Variants in CSMD1 observed in about 807,000 individuals in gnomAD.
CSMD1 encodes the protein CUB and Sushi multiple domains 1.
A neutral mutation model predicts 417.5 loss-of-function variants in CSMD1; 213 were observed. The observed-to-expected ratio is 0.51, with a 90% CI of 0.46 to 0.57. The LOEUF (loss-of-function observed/expected upper bound fraction) is 0.57. Ranked by LOEUF, CSMD1 falls within the 20% of genes least tolerant of loss-of-function variation. The pLI is 0.00. For missense variants in CSMD1, 6,923 were observed against 4,529.7 expected (o/e 1.53, Z -15.17); for synonymous variants, 2,862 against 1,736.8 (o/e 1.65, Z -16.11).
chr8:4,246,737 T>G (rs958702275), intron 3 of CSMD1, among the ~76,000 whole-genome samples: 2 of 152,174 alleles, frequency 1.3e-5, no homozygotes, highest in African/African-American at 4.8e-5. Flanking sequence ...ATGATTGTAT[T>G]TATTTAAATA....
At chr8:3,721,346 G>C (rs541428714) in intron 6 of CSMD1, among the ~76,000 whole-genome samples, 1 of 152,116 alleles carries the variant, frequency 6.6e-6, no homozygotes, top group African/African-American at 2.4e-5. Context: ...ATTTTTACTA[G>C]TGACGGCAGA....
At chr8:3,300,833 C>A (rs545597802) in intron 25 of CSMD1, among the ~76,000 whole-genome samples, 34 of 151,790 alleles carry the variant, frequency 2.2e-4, no homozygotes, top group Admixed American at 7.2e-4. Context: ...GTGGCACATG[C>A]ATGTAATCCC....
chr8:4,061,946 C>CCT (rs1375862585), intron 3 of CSMD1, among the ~76,000 whole-genome samples: 1 of 152,166 alleles, frequency 6.6e-6, no homozygotes, highest in Non-Finnish European at 1.5e-5. Context: ...AAAGATTCTT[C>CCT]ATCAGCATTA....
At chr8:3,762,968 G>T (rs914683240) in intron 5 of CSMD1, among the ~76,000 whole-genome samples, 1 of 152,190 alleles carries the variant, frequency 6.6e-6, no homozygotes. Flanking sequence ...ACTCTCTTCA[G>T]ATCTCACCAT....
At chr8:4,638,133 T>C (rs1802953558) in intron 1 of CSMD1, among the ~76,000 whole-genome samples, 1 of 152,216 alleles carries the variant, frequency 6.6e-6, no homozygotes, top group Admixed American at 6.5e-5. Flanking sequence ...CCTGTCACTT[T>C]AAAATACAGC....
At chr8:3,998,723 G>A (rs919003609) in intron 4 of CSMD1, among the ~76,000 whole-genome samples, 8 of 151,972 alleles carry the variant, frequency 5.3e-5, no homozygotes, top group Admixed American at 1.3e-4. Flanking sequence ...AAAGATAAAA[G>A]TGCATTTAAA....
intron 4 of CSMD1, among the ~76,000 whole-genome samples, chr8:4,012,975 C>T (rs915593157): frequency 2.0e-5 from 3 of 152,146 alleles, no homozygotes; most frequent in Non-Finnish European, 2.9e-5. Context: ...CTCCTGTCAT[C>T]TCTCAAGTAA....
intron 5 of CSMD1, among the ~76,000 whole-genome samples, chr8:3,951,283 C>T (rs1301681413): frequency 6.6e-6 from 1 of 152,150 alleles, no homozygotes; most frequent in Non-Finnish European, 1.5e-5. Flanking sequence ...TCAGCCCTGG[C>T]CCACCTTTGT....
intron 63 of CSMD1, 58 bp downstream of exon 63, chr8:2,957,638 C>G: frequency 9.0e-7 from 1 of 1,108,132 alleles, no homozygotes; most frequent in Non-Finnish European, 1.3e-6. Context: ...GTAAACACGT[C>G]TCAGACATTC....
At chr8:3,756,915 C>T (rs548202787) in intron 5 of CSMD1, among the ~76,000 whole-genome samples, 1 of 152,092 alleles carries the variant, frequency 6.6e-6, no homozygotes, top group African/African-American at 2.4e-5. Flanking sequence ...CTTGCCTCAA[C>T]CTCTGGAGTA....
intron 1 of CSMD1, among the ~76,000 whole-genome samples, chr8:4,738,645 C>G (rs1272810004): frequency 1.3e-5 from 2 of 152,162 alleles, no homozygotes; most frequent in East Asian, 3.9e-4. Context: ...TTTCCAACAG[C>G]ATCGTTTCTG....
At chr8:3,137,386 T>A (rs781449819) in intron 41 of CSMD1, among the ~76,000 whole-genome samples, 2 of 152,192 alleles carry the variant, frequency 1.3e-5, no homozygotes, top group East Asian at 3.9e-4. Context: ...TCCCTTAGCA[T>A]CAGGGGGAAT....
intron 5 of CSMD1, among the ~76,000 whole-genome samples, chr8:3,812,703 G>A (rs538253449): frequency 6.6e-6 from 1 of 152,174 alleles, no homozygotes; most frequent in South Asian, 2.1e-4. Flanking sequence ...AACATGAGCT[G>A]TTTGTTTCCT....
chr8:3,176,264 G>T (rs1169325693), intron 37 of CSMD1, among the ~76,000 whole-genome samples: 1 of 152,054 alleles, frequency 6.6e-6, no homozygotes. Context: ...TAATTAGAGG[G>T]AACCATTCTG....
At chr8:4,644,899 G>C (rs1471337033) in intron 1 of CSMD1, among the ~76,000 whole-genome samples, 1 of 152,216 alleles carries the variant, frequency 6.6e-6, no homozygotes, top group Non-Finnish European at 1.5e-5. Context: ...AAGCCTGTGG[G>C]TGAGTTTGAG....
At chr8:2,971,325 A>G (rs900257003) in intron 57 of CSMD1, among the ~76,000 whole-genome samples, 4 of 152,084 alleles carry the variant, frequency 2.6e-5, no homozygotes, top group African/African-American at 9.7e-5. Context: ...ACCCAATCCG[A>G]GACCACACAT....
chr8:4,624,479 T>C (rs1162723967), intron 2 of CSMD1, among the ~76,000 whole-genome samples: 3 of 152,270 alleles, frequency 2.0e-5, no homozygotes, highest in Admixed American at 2.0e-4. Context: ...AATCACCTTC[T>C]ACATCAGAGG....
chr8:3,353,773 T>A (rs2117674121), intron 21 of CSMD1, among the ~76,000 whole-genome samples: 1 of 152,362 alleles, frequency 6.6e-6, no homozygotes, highest in Non-Finnish European at 1.5e-5. Context: ...ACACAGTTTC[T>A]TAATACAAAT....
intron 3 of CSMD1, among the ~76,000 whole-genome samples, chr8:4,131,939 A>AT (rs970950109): frequency 4.6e-5 from 7 of 151,514 alleles, no homozygotes; most frequent in South Asian, 2.1e-4. Flanking sequence ...CTTTTTTGGT[A>AT]TTTTTTAGTA....
Sources: gnomAD v4.1 joint callset for allele counts (sites outside exome capture counted in the v4.1 genomes callset) on GRCh38, gnomAD v4.1.1 for gene constraint, MANE v1.5 for transcripts, NCBI Gene and HGNC (gene_info 2026-07-23, HGNC 2026-07-21) for gene names.